The following STARD3NL variants were observed in gnomAD, a reference collection of about 807,000 sequenced individuals.
STARD3NL encodes STARD3 N-terminal-like protein.
Under a neutral mutation model 30.9 loss-of-function variants are expected in STARD3NL, and 17 were observed. That is an observed-to-expected ratio of 0.55 (90% confidence interval 0.38 to 0.82). The LOEUF (loss-of-function observed/expected upper bound fraction) is 0.82. Ranked by LOEUF, STARD3NL falls within the 40% of genes least tolerant of loss-of-function variation. The pLI is 0.00. For missense variants in STARD3NL, 234 were observed against 277.6 expected (o/e 0.84, Z 1.12); for synonymous variants, 112 against 100.5 (o/e 1.11, Z -0.69).
At chr7:38,183,029 A>G (rs1204575654) in intron 1 of STARD3NL, among the ~76,000 whole-genome samples, 2 of 152,234 alleles carry the variant, frequency 1.3e-5, no homozygotes, top group East Asian at 3.8e-4. Context: ...TTTCAGGAAA[A>G]TATATTCTCA....
chr7:38,205,041 G>A (rs1328984399), intron 1 of STARD3NL, among the ~76,000 whole-genome samples: 1 of 152,142 alleles, frequency 6.6e-6, no homozygotes, highest in African/African-American at 2.4e-5. Flanking sequence ...ATTCACAGCC[G>A]AATTGTACCA....
intron 1 of STARD3NL, among the ~76,000 whole-genome samples, chr7:38,187,262 C>A (rs1784499786): frequency 6.6e-6 from 1 of 152,186 alleles, no homozygotes; most frequent in Non-Finnish European, 1.5e-5. Flanking sequence ...TCCCATTTTG[C>A]CAACCTGTAG....
chr7:38,197,118 G>T (rs1372574505), intron 1 of STARD3NL, among the ~76,000 whole-genome samples: 1 of 137,734 alleles, frequency 7.3e-6, no homozygotes, highest in Non-Finnish European at 1.6e-5. Flanking sequence ...TTCTGATCCT[G>T]TGAGATAGCA....
At position 38,226,221 on chromosome 7, in the gene STARD3NL, T is replaced by C. The variant is rs1160604865; in HGVS notation, c.650-2578T>C. Among the ~76,000 whole-genome samples the C allele has an allele frequency of 4.7e-5, 6 of 126,630 alleles. No homozygotes were observed. In the East Asian group the frequency reaches 1.4e-3, roughly 29 times the overall value. 83.1% of individuals were successfully genotyped at this position (126,630 alleles called of 152,430 possible). ...AATAAAGTAACTCTGGATTCTGATT[T>C]TTTTCCTGAAACATTGCTGTTCTTG... On this transcript the variant is annotated intron_variant, in intron 7 of 8. Coordinates refer to ENST00000009041, the MANE Select transcript of STARD3NL (RefSeq NM_032016.4).
intron 1 of STARD3NL, chr7:38,179,094 A>C (rs1380682395): frequency 6.6e-6 from 1 of 152,194 alleles, no homozygotes; most frequent in Non-Finnish European, 1.5e-5. Flanking sequence ...TCACAGATGG[A>C]ATCACTGAAT....
intron 1 of STARD3NL, among the ~76,000 whole-genome samples, chr7:38,191,268 A>T (rs1051700538): frequency 1.3e-5 from 2 of 152,170 alleles, no homozygotes; most frequent in Non-Finnish European, 1.5e-5. Context: ...TTCCCCTGCC[A>T]TCTGTCTTTT....
At chr7:38,209,699 G>A (rs1358660223) in intron 2 of STARD3NL, among the ~76,000 whole-genome samples, 1 of 152,178 alleles carries the variant, frequency 6.6e-6, no homozygotes, top group East Asian at 1.9e-4. Flanking sequence ...TTATATCACT[G>A]TATGCCTTTA....
At chr7:38,212,529 A>G (rs1785867668) in intron 2 of STARD3NL, among the ~76,000 whole-genome samples, 1 of 152,164 alleles carries the variant, frequency 6.6e-6, no homozygotes, top group South Asian at 2.1e-4. Context: ...ATGAAGACAT[A>G]TTATTTTGTT....
intron 7 of STARD3NL, among the ~76,000 whole-genome samples, chr7:38,227,246 C>A (rs1786823672): frequency 6.6e-6 from 1 of 152,184 alleles, no homozygotes. Context: ...ACTGGCCTAG[C>A]AGATTGAAGT....
chr7:38,225,639 A>G (rs868115071), intron 7 of STARD3NL, among the ~76,000 whole-genome samples: 8 of 149,072 alleles, frequency 5.4e-5, no homozygotes, highest in South Asian at 2.1e-4. Flanking sequence ...TCAGTTTACT[A>G]TAAACTGATT....
At chr7:38,206,927 G>A (rs149101961) in intron 1 of STARD3NL, among the ~76,000 whole-genome samples, 145 of 152,200 alleles carry the variant, frequency 9.5e-4, no homozygotes, top group Non-Finnish European at 1.4e-3. Flanking sequence ...GCTGCCATGC[G>A]CAGCTGATTT....
chr7:38,228,781 C>G lies in STARD3NL; in HGVS notation c.650-18C>G. ...TGGAATGAAATACTTTTTCTTTGTC[C>G]CCTTCTCCACCACGTAGGATCTGAA... On this transcript the variant is annotated intron_variant, in intron 7 of 8. Coordinates refer to ENST00000009041, the MANE Select transcript of STARD3NL (RefSeq NM_032016.4). 6.2e-7 allele frequency: 1 copy of G among 1,600,774 alleles called. No homozygotes were observed. The highest frequency in any genetic ancestry group is 8.5e-7 in the Non-Finnish European group (1 of 1,172,590).
At chr7:38,214,539 C>T (rs3778893) in intron 3 of STARD3NL, 105 bp downstream of exon 3, 134,939 of 623,542 alleles carry the variant, frequency 0.22, 15,009 homozygotes, top group East Asian at 0.23. Context: ...CTCTTTTGAA[C>T]ACTGACCATA....
intron 2 of STARD3NL, among the ~76,000 whole-genome samples, chr7:38,208,537 TC>T (rs1158597777): frequency 6.6e-6 from 1 of 152,224 alleles, no homozygotes; most frequent in African/African-American, 2.4e-5. Flanking sequence ...TGTGTTTTCT[TC>T]CCAAAGCCTT....
intron 7 of STARD3NL, among the ~76,000 whole-genome samples, chr7:38,227,144 A>C (rs1351894416): frequency 6.6e-6 from 1 of 152,234 alleles, no homozygotes; most frequent in Non-Finnish European, 1.5e-5. Flanking sequence ...TATGTAAAGA[A>C]GACATATTGT....
intron 7 of STARD3NL, among the ~76,000 whole-genome samples, chr7:38,226,469 A>C (rs56228793): frequency 0.14 from 21,126 of 152,196 alleles, 1,575 homozygotes; most frequent in East Asian, 0.22. Flanking sequence ...GATTGCACTC[A>C]AATACCTGGA....
intron 7 of STARD3NL, among the ~76,000 whole-genome samples, chr7:38,225,920 G>A (rs1786732543): frequency 6.6e-6 from 1 of 152,078 alleles, no homozygotes; most frequent in Admixed American, 6.5e-5. Context: ...CTTATAAAAT[G>A]TGTGGATTAA....
intron 1 of STARD3NL, among the ~76,000 whole-genome samples, chr7:38,189,084 C>T (rs572177619): frequency 3.3e-5 from 5 of 151,982 alleles, no homozygotes; most frequent in African/African-American, 7.2e-5. Flanking sequence ...GACAAGACTA[C>T]AAAACAATGA....
chr7:38,204,060 A>G (rs945823449), intron 1 of STARD3NL, among the ~76,000 whole-genome samples: 1 of 152,194 alleles, frequency 6.6e-6, no homozygotes, highest in African/African-American at 2.4e-5. Flanking sequence ...CCCACTGTCA[A>G]CATTAGACAG....
Sources: gnomAD v4.1 joint callset for allele counts (sites outside exome capture counted in the v4.1 genomes callset) on GRCh38, gnomAD v4.1.1 for gene constraint, MANE v1.5 for transcripts, NCBI Gene and HGNC (gene_info 2026-07-23, HGNC 2026-07-21) for gene names.